TEX9: variants seen among roughly 807,000 people sequenced by gnomAD.
TEX9 encodes testis expressed 9.
In TEX9, 74 loss-of-function variants were observed where a neutral mutation model predicts 59.6. The observed-to-expected ratio is 1.24, with a 90% CI of 1.03 to 1.51. The LOEUF (loss-of-function observed/expected upper bound fraction) is 1.51, where lower values mean the gene tolerates loss of function less well. Among genes scored for constraint, TEX9 ranks in the 40% most tolerant of loss-of-function variants. TEX9 has a pLI of 0.00. For missense variants in TEX9, 522 were observed against 447.8 expected, an observed-to-expected ratio of 1.17 and a Z score of -1.49; for synonymous variants, 186 against 152.2, an observed-to-expected ratio of 1.22 and a Z score of -1.64.
chr15:56,368,225 A>C (rs1180242690), intron 2 of TEX9, among the ~76,000 whole-genome samples: 1 of 152,104 alleles, frequency 6.6e-6, no homozygotes, highest in African/African-American at 2.4e-5. Context: ...TAATTAATTC[A>C]GCTGTTGGTA....
At chr15:56,418,043 A>G (rs571918378) in intron 10 of TEX9, among the ~76,000 whole-genome samples, 3 of 151,966 alleles carry the variant, frequency 2.0e-5, no homozygotes, top group East Asian at 1.9e-4. Flanking sequence ...ATTTTCCTCT[A>G]TCCCTTTATT....
At chr15:56,364,384 CT>C (rs1362971039), upstream of TEX9, among the ~76,000 whole-genome samples, 3 of 151,680 alleles carry the variant, frequency 2.0e-5, no homozygotes, top group African/African-American at 7.3e-5. Context: ...AACTCCCAAC[CT>C]CAGGTGATCC....
chr15:56,259,016 C>T (rs1415176062), intron 1 of TEX9, among the ~76,000 whole-genome samples: 5 of 151,724 alleles, frequency 3.3e-5, no homozygotes, highest in South Asian at 2.1e-4. Flanking sequence ...GTTTCATCCT[C>T]TTAATGATGC....
At chr15:56,449,654 T>C (rs1468402411), downstream of TEX9, among the ~76,000 whole-genome samples, 1 of 152,142 alleles carries the variant, frequency 6.6e-6, no homozygotes, top group Non-Finnish European at 1.5e-5. Flanking sequence ...GGTGTTACTT[T>C]GTCCTGAATG....
chr15:56,364,018 C>T (rs990157044), upstream of TEX9, among the ~76,000 whole-genome samples: 12 of 151,892 alleles, frequency 7.9e-5, no homozygotes, highest in Non-Finnish European at 1.8e-4. Flanking sequence ...ATAGTCCAGA[C>T]ACAAGTTATT....
intron 1 of TEX9, among the ~76,000 whole-genome samples, chr15:56,253,588 T>G (rs2044078488): frequency 6.6e-6 from 1 of 152,112 alleles, no homozygotes; most frequent in Non-Finnish European, 1.5e-5. Context: ...CTAGCTACTC[T>G]CAGAAGGGTT....
chr15:56,332,985 T>C (rs1034045987), intron 1 of TEX9, among the ~76,000 whole-genome samples: 2 of 151,990 alleles, frequency 1.3e-5, no homozygotes, highest in South Asian at 4.2e-4. Flanking sequence ...AATCCAAAAC[T>C]TAAACATATC....
intron 1 of TEX9, among the ~76,000 whole-genome samples, chr15:56,312,221 T>C (rs200935489): frequency 0.049 from 7,171 of 145,128 alleles, 634 homozygotes; most frequent in East Asian, 0.37. Flanking sequence ...TCCTTGCCCA[T>C]GCCTATGTCC....
intron 6 of TEX9, among the ~76,000 whole-genome samples, chr15:56,390,383 G>C (rs2048150958): frequency 6.6e-6 from 1 of 151,822 alleles, no homozygotes; most frequent in South Asian, 2.1e-4. Flanking sequence ...ATGCTTGAGG[G>C]GATGGATACC....
chr15:56,410,304 T>C (rs2049285444), intron 9 of TEX9: 1 of 152,216 alleles, frequency 6.6e-6, no homozygotes, highest in South Asian at 2.1e-4. Context: ...GAGCATTTAC[T>C]ACATTTTGTC....
chr15:56,263,220 T>C (rs540072886), intron 1 of TEX9, among the ~76,000 whole-genome samples: 1 of 152,206 alleles, frequency 6.6e-6, no homozygotes, highest in South Asian at 2.1e-4. Context: ...ACAGGGTTTC[T>C]CTATGTTGGT....
intron 1 of TEX9, among the ~76,000 whole-genome samples, chr15:56,327,163 G>A (rs1484292640): frequency 1.3e-5 from 2 of 151,948 alleles, no homozygotes; most frequent in Non-Finnish European, 2.9e-5. Flanking sequence ...ACATTAATTT[G>A]TAGTTGTCTT....
intron 1 of TEX9, among the ~76,000 whole-genome samples, chr15:56,253,800 A>C (rs1245113548): frequency 6.6e-6 from 1 of 152,026 alleles, no homozygotes; most frequent in African/African-American, 2.4e-5. Context: ...ACAGCTCTTC[A>C]CAATCAGTGT....
chr15:56,437,662 G>C (rs1474044928), intron 12 of TEX9, among the ~76,000 whole-genome samples: 1 of 152,154 alleles, frequency 6.6e-6, no homozygotes, highest in Non-Finnish European at 1.5e-5. Flanking sequence ...ATTAGGAAAA[G>C]AGGAAGTCAA....
intron 1 of TEX9, among the ~76,000 whole-genome samples, chr15:56,317,930 T>C (rs1354289922): frequency 2.6e-5 from 4 of 152,160 alleles, no homozygotes; most frequent in African/African-American, 9.6e-5. Context: ...AAATATCTCA[T>C]GGGCACTTGT....
intron 1 of TEX9, among the ~76,000 whole-genome samples, chr15:56,310,659 T>C (rs2045590034): frequency 6.6e-6 from 1 of 152,120 alleles, no homozygotes; most frequent in Admixed American, 6.5e-5. Flanking sequence ...CACAGATTCA[T>C]CAGTGGAAGC....
chr15:56,419,975 C>G (rs1289193743), intron 10 of TEX9, among the ~76,000 whole-genome samples: 1 of 151,490 alleles, frequency 6.6e-6, no homozygotes, highest in East Asian at 1.9e-4. Flanking sequence ...CTTATAGAGG[C>G]TATATTTTAT....
At chr15:56,308,362 T>C (rs2045529952) in intron 1 of TEX9, among the ~76,000 whole-genome samples, 1 of 152,202 alleles carries the variant, frequency 6.6e-6, no homozygotes, top group Admixed American at 6.6e-5. Flanking sequence ...TGACTATTTG[T>C]CTTTAGAGAA....
At chr15:56,442,135 C>T (rs909762255) in intron 12 of TEX9, among the ~76,000 whole-genome samples, 6 of 152,036 alleles carry the variant, frequency 3.9e-5, no homozygotes, top group African/African-American at 1.4e-4. Context: ...TGAAAAAGTG[C>T]TCAATATCAC....
Sources: allele counts gnomAD v4.1 joint callset (sites outside exome capture counted in the v4.1 genomes callset), GRCh38; gene constraint gnomAD v4.1.1; transcripts MANE v1.5; gene names NCBI Gene and HGNC (gene_info 2026-07-23, HGNC 2026-07-21).